Variants in ATM observed in about 807,000 individuals in gnomAD.
ATM encodes the protein serine-protein kinase ATM.
ATM carries 308 observed loss-of-function variants against 387.0 expected under a neutral mutation model. The observed-to-expected ratio is 0.80, with a 90% confidence interval of 0.73 to 0.87. ATM has a LOEUF of 0.87. Ranked by LOEUF, ATM falls within the 40% of genes least tolerant of loss-of-function variation. The pLI, the probability that ATM is intolerant of heterozygous loss-of-function variation, is 0.00. For synonymous variants in ATM, 1,156 were observed against 1,187.3 expected (o/e 0.97, Z 0.54); for missense variants, 3,312 against 3,560.9 (o/e 0.93, Z 1.78).
intron 4 of ATM, among the ~76,000 whole-genome samples, chr11:108,231,204 A>G (rs1260269914): frequency 6.6e-6 from 1 of 152,182 alleles, no homozygotes; most frequent in Non-Finnish European, 1.5e-5. Context: ...TGATGAGCCA[A>G]ATAGTTCCCA....
At chr11:108,282,447 C>A (rs962651471) in intron 24 of ATM, among the ~76,000 whole-genome samples, 1 of 152,084 alleles carries the variant, frequency 6.6e-6, no homozygotes, top group Non-Finnish European at 1.5e-5. Flanking sequence ...TTAAATCTTC[C>A]TTTAAGTATA....
chr11:108,282,613 T>C, intron 24 of ATM, 97 bp from the exon 25 acceptor site: 1 of 1,171,056 alleles, frequency 8.5e-7, no homozygotes, highest in Non-Finnish European at 1.2e-6. Context: ...GTTGAATGAA[T>C]GTTGTTTCTA....
intron 5 of ATM, among the ~76,000 whole-genome samples, chr11:108,238,723 A>AT (rs898070092): frequency 1.3e-5 from 2 of 149,890 alleles, no homozygotes; most frequent in African/African-American, 2.5e-5. Context: ...GTAAGCAGTA[A>AT]TTTTTTTTTC....
Position 108,316,038 on chromosome 11 carries a change from G to A in ATM, c.6123G>A (p.Met2041Ile), listed in dbSNP as rs1555113740. ...TRLRTYEHEA[M>I]WGKALVTYDL... ...TACGAACATATGAACACGAAGCAAT[G>A]TGGGGCAAAGCCCTAGTAACATATG... The change falls in exon 42 of 63, where the codon ATG becomes ATA. Residue 2041 changes from methionine (M) to isoleucine (I), a missense_variant. Coordinates refer to ENST00000675843, the MANE Select transcript of ATM (RefSeq NM_000051.4). 1 of 1,614,168 alleles carries A rather than the reference G, an allele frequency of 6.2e-7. No individual in the cohort carries two copies.
intron 10 of ATM, 45 bp from the exon 11 acceptor site, chr11:108,251,792 C>G (rs779462497): frequency 6.3e-7 from 1 of 1,594,894 alleles, no homozygotes; most frequent in Admixed American, 1.7e-5. Context: ...AGTCTTTGCC[C>G]CTCCAATAGC....
chr11:108,262,833 C>A (rs1316105286), intron 16 of ATM, among the ~76,000 whole-genome samples: 1 of 146,530 alleles, frequency 6.8e-6, no homozygotes, highest in East Asian at 2.0e-4. Flanking sequence ...GGGTTGCAAT[C>A]CTAGTCTCTG....
chr11:108,225,255 A>G (rs1235389131), intron 1 of ATM: 1 of 152,236 alleles, frequency 6.6e-6, no homozygotes, highest in Non-Finnish European at 1.5e-5. Flanking sequence ...AGATAAAACC[A>G]TAAGGAATGG....
intron 27 of ATM, among the ~76,000 whole-genome samples, chr11:108,288,241 T>C: frequency 6.6e-6 from 1 of 152,030 alleles, no homozygotes; most frequent in Non-Finnish European, 1.5e-5. Context: ...GCCTGGCTAA[T>C]TTTTTATATT....
rs775464644 is a variant in ATM at position 108,294,972 on chromosome 11, T to C, written c.4822T>C (p.Leu1608=). 3.1e-6 allele frequency: 5 copies of C among 1,613,732 alleles called. No individual in the cohort carries two copies. Among genetic ancestry groups the C allele is most frequent in the South Asian group, 1.1e-5 (1 of 91,086 alleles). The change falls in exon 32 of 63, where the codon TTG becomes CTG. Residue 1608 remains leucine (L), a synonymous_variant. Coordinates refer to ENST00000675843, the MANE Select transcript of ATM (RefSeq NM_000051.4). ...LSVSVYDALP[L]TRLEGLKDLR... ...AGTAAGTGTTTATGATGCACTTCCA[T>C]TGACAAGACTTGAAGGACTAAAGGA...
intron 4 of ATM, chr11:108,230,408 T>C (rs902728691): frequency 1.3e-5 from 2 of 152,160 alleles, no homozygotes; most frequent in Non-Finnish European, 2.9e-5. Flanking sequence ...AGAGCGAGAC[T>C]GTCAAAAAAA....
rs765299523 is a variant in ATM, at chr11:108,279,619, G to A, written c.3402+11G>A. ...GGAATGAGAGAAATGGTAATTTTAA[G>A]TAACATGTATTTGCTGTTATCATAT... On this transcript the variant is annotated intron_variant, in intron 23 of 62. Transcript: ENST00000675843. The A allele has an allele frequency of 1.3e-6, 2 of 1,577,216 alleles. No homozygotes were observed. Among genetic ancestry groups the A allele is most frequent in the Non-Finnish European group, 1.7e-6 (2 of 1,147,038 alleles).
At chr11:108,229,949 T>A (rs2135049846) in intron 4 of ATM, 1 of 152,866 alleles carries the variant, frequency 6.5e-6, no homozygotes, top group South Asian at 2.0e-4. Context: ...CCTCCCTAGT[T>A]ATTGGTATTA....
rs2084621820 is a variant in ATM, at chr11:108,316,081, C to G, written c.6166C>G (p.Pro2056Ala). ...LVTYDLETAI[P>A]SSTRQAGIIQ... ...AACATATGACCTCGAAACAGCAATC[C>G]CCTCATCAACACGCCAGGCAGGAAT... The change falls in exon 42 of 63, where the codon CCC becomes GCC. Residue 2056 changes from proline to alanine, a missense_variant. This residue lies in a region of ATM where 1,405 missense variants were observed against 1,604.4 expected (regional missense o/e 0.88). Transcript: ENST00000675843. 1 of 1,614,074 alleles carries G rather than the reference C, an allele frequency of 6.2e-7. No homozygotes were observed. The highest frequency in any genetic ancestry group is 1.3e-5 in the African/African-American group (1 of 75,020).
Position 108,292,535 on chromosome 11 carries a change from C to A in ATM, c.4437-84C>A, listed in dbSNP as rs1461757215. ...GCATATAAGAATTAGAGATGCTGAA[C>A]AAAAGGACTTCTGAATGAATTTATT... is the stretch of plus-strand genomic sequence containing the variant. On this transcript the variant is annotated intron_variant, in intron 29 of 62. Coordinates refer to ENST00000675843, the MANE Select transcript of ATM (RefSeq NM_000051.4). 4 of 1,483,704 alleles carry A rather than the reference C, an allele frequency of 2.7e-6. No homozygotes were observed. In the South Asian group the frequency reaches 3.5e-5, roughly 13 times the overall value. The allele number at this position is 1,483,704 out of a possible 1,614,324, so 91.9% of individuals were successfully genotyped here.
Position 108,254,028 on chromosome 11 carries a change from T to A in ATM, c.2113T>A (p.Tyr705Asn), listed in dbSNP as rs757260641. 5 of 1,613,676 alleles carry A rather than the reference T, an allele frequency of 3.1e-6. No homozygotes were observed. Among genetic ancestry groups the A allele is most frequent in the Middle Eastern group, 1.7e-4 (1 of 6,060 alleles). The part of the protein sequence containing the change: ...LGLSEQLLNN[Y>N]SSEITNSETL... Reference sequence around the variant, plus strand: ...ATTATCAGAACAGCTTCTGAATAATTACTCATCTGAGGTGAGATTTTTTAA... The same window carrying A: ...ATTATCAGAACAGCTTCTGAATAATAACTCATCTGAGGTGAGATTTTTTAA... The change falls in exon 13 of 63, where the codon TAC (tyrosine) becomes AAC (asparagine). Residue 705 changes from tyrosine to asparagine, a missense_variant. Coordinates refer to ENST00000675843, the MANE Select transcript of ATM (RefSeq NM_000051.4).
chr11:108,312,374 A>G (rs1241729692), intron 39 of ATM, 37 bp from the exon 40 acceptor site: 1 of 1,454,166 alleles, frequency 6.9e-7, no homozygotes, highest in African/African-American at 1.4e-5. Flanking sequence ...TCCAAATAGT[A>G]TGTTCTCATT....
chr11:108,311,294 G>A (rs574014791), intron 39 of ATM, among the ~76,000 whole-genome samples: 5 of 152,210 alleles, frequency 3.3e-5, no homozygotes, highest in Middle Eastern at 3.4e-3. Context: ...TTTTTAAAGC[G>A]GTTATACCCA....
intron 61 of ATM, among the ~76,000 whole-genome samples, chr11:108,357,815 C>G (rs1444097355): frequency 6.6e-6 from 1 of 151,710 alleles, no homozygotes; most frequent in African/African-American, 2.4e-5. Flanking sequence ...CATCAAAGAC[C>G]AAAAGTAGAT....
At chr11:108,304,619 A>C in intron 36 of ATM, 56 bp from the exon 37 acceptor site, 2 of 1,538,552 alleles carry the variant, frequency 1.3e-6, no homozygotes, top group Non-Finnish European at 1.8e-6. Context: ...AGTAAAATGT[A>C]TTAATTTTAC....
Sources: gnomAD v4.1 joint callset for allele counts (sites outside exome capture counted in the v4.1 genomes callset) on GRCh38, gnomAD v4.1.1 for gene constraint, gnomAD v4.1.1 regional missense constraint, MANE v1.5 for transcripts, NCBI Gene and HGNC (gene_info 2026-07-23, HGNC 2026-07-21) for gene names.